ROS1: variants seen among roughly 807,000 people sequenced by gnomAD.
The protein encoded by ROS1 is proto-oncogene tyrosine-protein kinase ROS.
A neutral mutation model predicts 273.5 loss-of-function variants in ROS1; 263 were observed. That is an observed-to-expected ratio of 0.96 (90% CI 0.87 to 1.06). The LOEUF (loss-of-function observed/expected upper bound fraction) is 1.06. Among genes scored for constraint, ROS1 ranks in the 50% least tolerant of loss-of-function variants. The probability of loss-of-function intolerance (pLI) is 0.00; values close to 1 mark genes in which losing one functional copy is unlikely to be tolerated. For missense variants in ROS1, 2,833 were observed against 2,751.1 expected, an observed-to-expected ratio of 1.03 and a Z score of -0.67; for synonymous variants, 1,008 against 954.1, an observed-to-expected ratio of 1.06 and a Z score of -1.04.
At chr6:117,343,036 A>G (rs1259006688) in intron 28 of ROS1, among the ~76,000 whole-genome samples, 1 of 151,862 alleles carries the variant, frequency 6.6e-6, no homozygotes, top group Non-Finnish European at 1.5e-5. Flanking sequence ...TTCTATTGCC[A>G]GAGATTCTGA....
At chr6:117,298,889 G>A (rs1259875878) in intron 43 of ROS1, among the ~76,000 whole-genome samples, 1 of 152,144 alleles carries the variant, frequency 6.6e-6, no homozygotes, top group Non-Finnish European at 1.5e-5. Flanking sequence ...ATTTTATTCA[G>A]AGAAATGTCT....
intron 28 of ROS1, among the ~76,000 whole-genome samples, chr6:117,343,142 C>A (rs1778087220): frequency 6.6e-6 from 1 of 151,510 alleles, no homozygotes; most frequent in African/African-American, 2.4e-5. Context: ...CTGTCTTAGA[C>A]CACTGTTAAT....
At chr6:117,399,596 A>C (rs929069274) in intron 7 of ROS1, among the ~76,000 whole-genome samples, 1 of 152,186 alleles carries the variant, frequency 6.6e-6, no homozygotes, top group East Asian at 1.9e-4. Context: ...GGGTTAGGGC[A>C]TCCAGCCTGG....
intron 16 of ROS1, among the ~76,000 whole-genome samples, chr6:117,383,901 T>C (rs554022615): frequency 7.4e-4 from 112 of 152,346 alleles, no homozygotes; most frequent in African/African-American, 2.6e-3. Flanking sequence ...TCTCTATCAG[T>C]GTAGTTCCCT....
intron 7 of ROS1, among the ~76,000 whole-genome samples, chr6:117,399,486 A>G (rs1773773984): frequency 6.6e-6 from 1 of 152,182 alleles, no homozygotes; most frequent in Non-Finnish European, 1.5e-5. Flanking sequence ...GGGAAGGGGG[A>G]AAATGCCCCA....
chr6:117,372,652 T>C (rs575801266), intron 18 of ROS1, among the ~76,000 whole-genome samples: 1 of 152,290 alleles, frequency 6.6e-6, no homozygotes, highest in South Asian at 2.1e-4. Context: ...TTACAGCTCT[T>C]AAGGTGGCGC....
Position 117,366,101 on chromosome 6 carries a change from A to G in ROS1, c.2772T>C (p.Ile924=). The part of the protein sequence containing the change: ...EPARFNQFTI[I]QTSLKPLPGN... ...CTGGCAGGGGCTTAAGGGATGTCTGAATAATTGTGAACTGATTAAATCTGG... is the reference window on the plus strand; with the variant it reads ...CTGGCAGGGGCTTAAGGGATGTCTGGATAATTGTGAACTGATTAAATCTGG... The change falls in exon 19 of 44, where the codon ATT becomes ATC. Residue 924 remains isoleucine (I), a synonymous_variant. Coordinates refer to ENST00000368507, the MANE Select transcript of ROS1 (RefSeq NM_001378902.1). 6.2e-7 allele frequency: 1 copy of G among 1,614,092 alleles called. No individual in the cohort carries two copies. The highest frequency in any genetic ancestry group is 1.1e-5 in the South Asian group (1 of 91,088).
chr6:117,394,452 A>G (rs1327888441), intron 10 of ROS1, 106 bp from the exon 11 acceptor site: 6 of 835,894 alleles, frequency 7.2e-6, no homozygotes, highest in Non-Finnish European at 9.8e-6. Context: ...TTAAAATAGA[A>G]GTATTTTATT....
intron 5 of ROS1, among the ~76,000 whole-genome samples, chr6:117,408,047 T>C (rs558200635): frequency 6.8e-4 from 103 of 152,102 alleles, no homozygotes; most frequent in African/African-American, 2.4e-3. Flanking sequence ...CCTTACACCT[T>C]ATACAAAAAT....
intron 18 of ROS1, among the ~76,000 whole-genome samples, chr6:117,371,868 A>G (rs1047548231): frequency 3.7e-4 from 56 of 151,872 alleles, no homozygotes; most frequent in African/African-American, 1.3e-3. Context: ...TAACTCCATC[A>G]GCCTGAGAAC....
intron 18 of ROS1, among the ~76,000 whole-genome samples, chr6:117,373,663 T>C (rs1781069572): frequency 6.6e-6 from 1 of 152,122 alleles, no homozygotes; most frequent in African/African-American, 2.4e-5. Flanking sequence ...CACCTGCGTC[T>C]CTCCCTCCAC....
At chr6:117,326,505 A>ACACTCTCTG in intron 33 of ROS1, 91 bp from the exon 34 acceptor site, 2 of 777,644 alleles carry the variant, frequency 2.6e-6, no homozygotes, top group Non-Finnish European at 3.9e-6. Flanking sequence ...TGAACGCCAG[A>ACACTCTCTG]GAGTGTCCTT....
At position 117,359,880 on chromosome 6, in the gene ROS1, T is replaced by A. The variant is rs764578818; in HGVS notation, c.3562A>T (p.Asn1188Tyr). 6.2e-7 allele frequency: 1 copy of A among 1,613,926 alleles called. No individual in the cohort carries two copies. The highest frequency in any genetic ancestry group is 8.5e-7 in the Non-Finnish European group (1 of 1,179,882). Residue 1188 changes from asparagine to tyrosine, a missense_variant, in exon 24 of 44, where the codon AAT (asparagine) becomes TAT (tyrosine). Coordinates refer to ENST00000368507, the MANE Select transcript of ROS1 (RefSeq NM_001378902.1). ...CCTTCAGCATAATATCCCATCTCATTATCAGCTGTGTAGCAAACGGCACTG... is the reference window on the plus strand; with the variant it reads ...CCTTCAGCATAATATCCCATCTCATAATCAGCTGTGTAGCAAACGGCACTG... ...VISAVCYTAD[N>Y]EMGYYAEGDS...
intron 1 of ROS1, among the ~76,000 whole-genome samples, chr6:117,418,996 T>C (rs767860077): frequency 2.0e-5 from 3 of 152,184 alleles, no homozygotes; most frequent in Non-Finnish European, 4.4e-5. Context: ...AGGACAGAGA[T>C]CTATAAATTG....
At chr6:117,343,851 T>C (rs1778145062) in intron 28 of ROS1, among the ~76,000 whole-genome samples, 1 of 152,190 alleles carries the variant, frequency 6.6e-6, no homozygotes. Flanking sequence ...AATCCATCAA[T>C]GGGCAAGAGT....
intron 6 of ROS1, 98 bp from the exon 7 acceptor site, chr6:117,403,375 C>T: frequency 8.4e-7 from 1 of 1,196,524 alleles, no homozygotes; most frequent in South Asian, 1.4e-5. Context: ...GATGGCTCAA[C>T]AGAGAAGATG....
At chr6:117,296,398 C>CAAA (rs35151095) in intron 43 of ROS1, among the ~76,000 whole-genome samples, 1 of 146,424 alleles carries the variant, frequency 6.8e-6, no homozygotes, top group African/African-American at 2.5e-5. Flanking sequence ...GAGACTGTCT[C>CAAA]AAAAAAAAAA....
rs3215674 is a variant in ROS1, at chr6:117,396,498, AC to A, written c.807-235del. Among the ~76,000 whole-genome samples the A allele has an allele frequency of 8.8e-4, 134 of 152,086 alleles. 1 individual carries two copies. The highest frequency in any genetic ancestry group is 3.1e-3 in the African/African-American group (129 of 41,508). On this transcript the variant is annotated intron_variant, in intron 8 of 43. Transcript: ENST00000368507. ...AAAGCTGAACTCTGCTATCTGCATG[AC>A]CCCCATTCTTCTCCGAATTTAAAGA... is the stretch of plus-strand genomic sequence containing the variant.
intron 32 of ROS1, among the ~76,000 whole-genome samples, chr6:117,334,083 T>C (rs746002323): frequency 6.6e-6 from 1 of 152,190 alleles, no homozygotes; most frequent in Non-Finnish European, 1.5e-5. Flanking sequence ...CATGATTTTG[T>C]ATTTAGAAAA....
Sources: gnomAD v4.1 joint callset for allele counts (sites outside exome capture counted in the v4.1 genomes callset) on GRCh38, gnomAD v4.1.1 for gene constraint, MANE v1.5 for transcripts, NCBI Gene and HGNC (gene_info 2026-07-23, HGNC 2026-07-21) for gene names.